Variants in PHF3 observed in about 807,000 individuals in gnomAD.
The protein encoded by PHF3 is PHD finger protein 3.
A neutral mutation model predicts 178.4 loss-of-function variants in PHF3; 41 were observed. The observed-to-expected ratio is 0.23, with a 90% CI of 0.18 to 0.30. The LOEUF is 0.30. Ranked by LOEUF, PHF3 falls within the 10% of genes least tolerant of loss-of-function variation. The pLI is 1.00. For missense variants in PHF3, 2,346 were observed against 2,398.1 expected (o/e 0.98, Z 0.45); for synonymous variants, 842 against 800.5 (o/e 1.05, Z -0.88).
rs1227662438 is a variant in PHF3 at position 63,716,041 on chromosome 6, C to T, written c.*2333C>T. The stretch of plus-strand genomic sequence containing the variant: ...CTATTAGGTAAAAGTACCAGGGCAT[C>T]TCAGTACCTGTAAAGTTCACCCCAT... On this transcript the variant is annotated 3_prime_UTR_variant, in exon 16 of 16. Transcript: ENST00000262043. Among the ~76,000 whole-genome samples, 3 of 152,164 alleles carry T rather than the reference C, an allele frequency of 2.0e-5. No individual in the cohort carries two copies. Among genetic ancestry groups the T allele is most frequent in the African/African-American group, 7.2e-5 (3 of 41,456 alleles).
At chr6:63,682,899 GTTTCA>G (rs979849279) in intron 3 of PHF3, among the ~76,000 whole-genome samples, 5 of 151,914 alleles carry the variant, frequency 3.3e-5, no homozygotes, top group Admixed American at 3.3e-4. Flanking sequence ...TCCTTCATTT[GTTTCA>G]TTTCAAGGAT....
intron 1 of PHF3, among the ~76,000 whole-genome samples, chr6:63,641,461 A>G (rs1438321174): frequency 6.6e-6 from 1 of 151,872 alleles, no homozygotes; most frequent in Non-Finnish European, 1.5e-5. Flanking sequence ...TACGTGAGAG[A>G]CAACTTCATC....
At chr6:63,681,931 C>G (rs1004223791) in intron 3 of PHF3, among the ~76,000 whole-genome samples, 1 of 152,036 alleles carries the variant, frequency 6.6e-6, no homozygotes, top group African/African-American at 2.4e-5. Context: ...TGTTGTTTGG[C>G]AGAACCCTTC....
At chr6:63,709,988 C>G (rs1292654995) in intron 14 of PHF3, among the ~76,000 whole-genome samples, 1 of 152,010 alleles carries the variant, frequency 6.6e-6, no homozygotes, top group South Asian at 2.1e-4. Flanking sequence ...TTGTTTTTCC[C>G]TCCACGGGAT....
chr6:63,636,830 T>G (rs533264586), intron 1 of PHF3: 2 of 152,312 alleles, frequency 1.3e-5, no homozygotes, highest in South Asian at 4.1e-4. Flanking sequence ...TACGTACGTG[T>G]TAATGGTGCT....
chr6:63,707,781 A>G (rs1274522378), intron 13 of PHF3, among the ~76,000 whole-genome samples: 4 of 151,454 alleles, frequency 2.6e-5, no homozygotes, highest in Admixed American at 6.6e-5. Flanking sequence ...TTAGGCTGCA[A>G]TTAGTTTAAT....
chr6:63,638,717 G>C (rs1581982180), intron 1 of PHF3, among the ~76,000 whole-genome samples: 1 of 151,914 alleles, frequency 6.6e-6, no homozygotes, highest in Non-Finnish European at 1.5e-5. Context: ...AGTACATCTT[G>C]GGCTCTGTTT....
rs1768106284 is a variant in PHF3 at position 63,714,289 on chromosome 6, A to G, written c.*581A>G. On this transcript the variant is annotated 3_prime_UTR_variant, in exon 16 of 16. Coordinates refer to ENST00000262043, the MANE Select transcript of PHF3 (RefSeq NM_001370348.2). ...TTGAAGTCATTTATTACCATATACT[A>G]CAGCTTTGTGGTAGGCCATTATTTT... The G allele has an allele frequency of 6.6e-6, 1 of 152,594 alleles. No individual in the cohort carries two copies. Among genetic ancestry groups the G allele is most frequent in the Non-Finnish European group, 1.5e-5 (1 of 68,022 alleles). 9.5% of individuals were successfully genotyped at this position (152,594 alleles called of 1,614,324 possible).
chr6:63,652,144 T>TAC (rs1765045311), intron 2 of PHF3, among the ~76,000 whole-genome samples: 1 of 152,234 alleles, frequency 6.6e-6, no homozygotes, highest in African/African-American at 2.4e-5. Context: ...AGTACTGATT[T>TAC]ACATTCCCTC....
Position 63,692,012 on chromosome 6 carries a change from C to T in PHF3, c.2465C>T (p.Thr822Ile). 1.9e-6 allele frequency: 3 copies of T among 1,609,528 alleles called. No homozygotes were observed. Among genetic ancestry groups the T allele is most frequent in the Non-Finnish European group, 2.5e-6 (3 of 1,177,926 alleles). ...GATAGAACCAAATATATAGATGATA[C>T]AGTGAAGCACAAGGTCAAAATTTTA... Reference protein sequence around the residue: ...TNDRTKYIDDTVKHKVKILKR... With the variant: ...TNDRTKYIDDIVKHKVKILKR... Residue 822 changes from threonine to isoleucine, a missense_variant, in exon 5 of 16, where the codon ACA (threonine) becomes ATA (isoleucine). This residue lies in a region of PHF3 where 252 missense variants were observed against 232.0 expected (regional missense o/e 1.09). Coordinates refer to ENST00000262043, the MANE Select transcript of PHF3 (RefSeq NM_001370348.2).
At position 63,706,717 on chromosome 6, in the gene PHF3, G is replaced by C; in HGVS notation, c.3564-12G>C. 1 of 1,611,156 alleles carries C rather than the reference G, an allele frequency of 6.2e-7. No homozygotes were observed. Among genetic ancestry groups the C allele is most frequent in the Non-Finnish European group, 8.5e-7 (1 of 1,178,674 alleles). On this transcript the variant is annotated splice_polypyrimidine_tract_variant and intron_variant, in intron 12 of 15. Coordinates refer to ENST00000262043, the MANE Select transcript of PHF3 (RefSeq NM_001370348.2). ...TCAGCTTGTCTTTAGGCTTTTTAATGTCATTTTCTAGTCCAGAGATGCCTG... is the reference window on the plus strand; with the variant it reads ...TCAGCTTGTCTTTAGGCTTTTTAATCTCATTTTCTAGTCCAGAGATGCCTG...
chr6:63,709,736 G>T (rs1767845765), intron 14 of PHF3, among the ~76,000 whole-genome samples: 1 of 152,158 alleles, frequency 6.6e-6, no homozygotes, highest in African/African-American at 2.4e-5. Flanking sequence ...AAAGAACCTA[G>T]TCACATAGCC....
chr6:63,693,713 T>C (rs1487122838), intron 5 of PHF3, among the ~76,000 whole-genome samples: 1 of 152,254 alleles, frequency 6.6e-6, no homozygotes, highest in Non-Finnish European at 1.5e-5. Flanking sequence ...AGTCTGATTT[T>C]GTAAATGTGT....
rs1180187196 is a variant in PHF3, at chr6:63,714,516, C to T, written c.*808C>T. On this transcript the variant is annotated 3_prime_UTR_variant, in exon 16 of 16. Transcript: ENST00000262043. ...ATTTCTTCTTTAAAGCTTTAATTAC[C>T]TTCAGACATTGATTTTTTGTTACTC... is the stretch of plus-strand genomic sequence containing the variant. The T allele has an allele frequency of 6.6e-6, 1 of 152,300 alleles. No individual in the cohort carries two copies. The highest frequency in any genetic ancestry group is 2.4e-5 in the African/African-American group (1 of 41,368). The allele number at this position is 152,300 out of a possible 1,614,324, so 9.4% of individuals were successfully genotyped here. A position where few individuals can be genotyped will look rare whatever the true frequency, so the allele number is the denominator to read the frequency against.
rs547047634 is a variant in PHF3 at position 63,720,562 on chromosome 6, A to T, written c.*6854A>T. 7.2e-7 allele frequency: 1 copy of T among 1,395,220 alleles called. No individual in the cohort carries two copies. The highest frequency in any genetic ancestry group is 1.6e-5 in the South Asian group (1 of 64,304). 86.4% of individuals were successfully genotyped at this position (1,395,220 alleles called of 1,614,324 possible). On this transcript the variant is annotated 3_prime_UTR_variant, in exon 16 of 16. Coordinates refer to ENST00000262043, the MANE Select transcript of PHF3 (RefSeq NM_001370348.2). ...AATAACTATCAAAATAACTGCATTT[A>T]TGTATAGTGTGTACTAAAATCTCTA...
Position 63,715,845 on chromosome 6 carries a change from A to G in PHF3, c.*2137A>G, listed in dbSNP as rs1768172904. ...AAAATGAGCAGATTTTTCAATGAGT[A>G]GTAGATCCAAAGCCATTCTCAGTCC... On this transcript the variant is annotated 3_prime_UTR_variant, in exon 16 of 16. Transcript: ENST00000262043. 6.6e-6 allele frequency among the ~76,000 whole-genome samples: 1 copy of G among 152,130 alleles called. No individual in the cohort carries two copies. Among genetic ancestry groups the G allele is most frequent in the Non-Finnish European group, 1.5e-5 (1 of 68,004 alleles).
At position 63,698,472 on chromosome 6, in the gene PHF3, T is replaced by G. The variant is rs911567703; in HGVS notation, c.2849T>G (p.Val950Gly). 2 of 1,600,166 alleles carry G rather than the reference T, an allele frequency of 1.2e-6. No homozygotes were observed. The highest frequency in any genetic ancestry group is 1.7e-6 in the Non-Finnish European group (2 of 1,175,296). The change falls in exon 8 of 16, where the codon GTA becomes GGA. Residue 950 changes from valine to glycine, a missense_variant. This residue lies in a region of PHF3 where 252 missense variants were observed against 232.0 expected (regional missense o/e 1.09). Coordinates refer to ENST00000262043, the MANE Select transcript of PHF3 (RefSeq NM_001370348.2). ...MKRLTDSNLK[V>G]PEEKAAKVAT... ...AGACTTACAGACTCAAATTTGAAGGTACCAGAGGAAAAGGCAGCAAAAGTT... is the reference window on the plus strand; with the variant it reads ...AGACTTACAGACTCAAATTTGAAGGGACCAGAGGAAAAGGCAGCAAAAGTT...
intron 13 of PHF3, among the ~76,000 whole-genome samples, chr6:63,707,387 G>A (rs570346249): frequency 6.6e-6 from 1 of 152,328 alleles, no homozygotes; most frequent in South Asian, 2.1e-4. Flanking sequence ...AGTGACTGTA[G>A]TTGCTGCAAG....
intron 2 of PHF3, 141 bp from the exon 3 acceptor site, chr6:63,679,857 CAT>C (rs777484913): frequency 7.7e-5 from 57 of 737,990 alleles, no homozygotes; most frequent in Admixed American, 5.3e-4. Flanking sequence ...GGCAATTTCA[CAT>C]GTTAGAAAAT....
Sources: gnomAD v4.1 joint callset for allele counts (sites outside exome capture counted in the v4.1 genomes callset) on GRCh38, gnomAD v4.1.1 for gene constraint, gnomAD v4.1.1 regional missense constraint, MANE v1.5 for transcripts, NCBI Gene and HGNC (gene_info 2026-07-23, HGNC 2026-07-21) for gene names.